The following CPQ variants were observed in gnomAD, a reference collection of about 807,000 sequenced individuals.
CPQ encodes carboxypeptidase Q.
In CPQ, 37 loss-of-function variants were observed where a neutral mutation model predicts 45.7. The observed-to-expected ratio is 0.81, with a 90% CI of 0.62 to 1.07. The LOEUF (loss-of-function observed/expected upper bound fraction) is 1.07. CPQ is among the 50% of genes least tolerant of loss of function. The probability of loss-of-function intolerance (pLI) is 0.00; values close to 1 mark genes in which losing one functional copy is unlikely to be tolerated. For synonymous variants in CPQ, 186 were observed against 205.8 expected (o/e 0.90, Z 0.82); for missense variants, 537 against 572.9 (o/e 0.94, Z 0.64).
intron 7 of CPQ, among the ~76,000 whole-genome samples, chr8:97,083,675 A>T (rs1160195125): frequency 6.6e-6 from 1 of 152,198 alleles, no homozygotes; most frequent in East Asian, 1.9e-4. Context: ...TATAGGTGAT[A>T]AGAGTCGGTG....
intron 5 of CPQ, among the ~76,000 whole-genome samples, chr8:97,026,211 A>C (rs928760771): frequency 6.6e-6 from 1 of 152,234 alleles, no homozygotes; most frequent in Non-Finnish European, 1.5e-5. Flanking sequence ...TGGAGAGAGA[A>C]GCTAATAAAC....
intron 7 of CPQ, among the ~76,000 whole-genome samples, chr8:97,116,195 T>C (rs937948801): frequency 6.6e-6 from 1 of 152,210 alleles, no homozygotes; most frequent in Non-Finnish European, 1.5e-5. Context: ...TCTCAAGAAT[T>C]ACAGGTTATT....
At chr8:96,999,181 C>T (rs1809226101) in intron 5 of CPQ, among the ~76,000 whole-genome samples, 1 of 151,366 alleles carries the variant, frequency 6.6e-6, no homozygotes, top group Non-Finnish European at 1.5e-5. Flanking sequence ...TAGATTTTAA[C>T]AAAGTCAAAT....
chr8:97,000,029 A>C (rs1315524594), intron 5 of CPQ, among the ~76,000 whole-genome samples: 1 of 149,588 alleles, frequency 6.7e-6, no homozygotes, highest in African/African-American at 2.5e-5. Flanking sequence ...TGTTGGCTTC[A>C]TGTATGTCTT....
chr8:96,811,848 T>C (rs1056735019), intron 2 of CPQ, among the ~76,000 whole-genome samples: 1 of 152,200 alleles, frequency 6.6e-6, no homozygotes, highest in Non-Finnish European at 1.5e-5. Context: ...CCAATACTTA[T>C]GCTTATTTAT....
chr8:96,692,051 A>C (rs1308677427), intron 1 of CPQ, among the ~76,000 whole-genome samples: 5 of 152,222 alleles, frequency 3.3e-5, no homozygotes, highest in African/African-American at 1.2e-4. Flanking sequence ...GAAAACAGTA[A>C]GGTCTCTCTG....
chr8:97,128,307 C>T (rs1279590090), intron 7 of CPQ, among the ~76,000 whole-genome samples: 1 of 152,162 alleles, frequency 6.6e-6, no homozygotes, highest in African/African-American at 2.4e-5. Flanking sequence ...TCATGTTTTG[C>T]TCCTGGTGTG....
At chr8:96,750,061 A>T (rs1315129845) in intron 1 of CPQ, among the ~76,000 whole-genome samples, 3 of 151,978 alleles carry the variant, frequency 2.0e-5, no homozygotes, top group Non-Finnish European at 4.4e-5. Context: ...ATGTATTATC[A>T]GATTTAAGAA....
intron 7 of CPQ, among the ~76,000 whole-genome samples, chr8:97,113,534 G>A (rs1399757462): frequency 6.6e-6 from 1 of 152,214 alleles, no homozygotes; most frequent in Non-Finnish European, 1.5e-5. Flanking sequence ...TCCTCAGTTT[G>A]CAAAACAGAG....
chr8:96,977,453 C>T (rs543565323), intron 5 of CPQ, among the ~76,000 whole-genome samples: 1 of 151,566 alleles, frequency 6.6e-6, no homozygotes, highest in East Asian at 1.9e-4. Context: ...GAACTGAAAG[C>T]AGATCTACAT....
chr8:96,718,198 T>C (rs1172464648), intron 1 of CPQ, among the ~76,000 whole-genome samples: 2 of 152,142 alleles, frequency 1.3e-5, no homozygotes, highest in African/African-American at 4.8e-5. Context: ...GAGATTATAT[T>C]GTGAATCTTA....
At chr8:96,977,160 T>A (rs1293865263) in intron 5 of CPQ, among the ~76,000 whole-genome samples, 1 of 151,276 alleles carries the variant, frequency 6.6e-6, no homozygotes, top group Non-Finnish European at 1.5e-5. Flanking sequence ...TAACAAATAA[T>A]CCCATCAAAA....
intron 4 of CPQ, among the ~76,000 whole-genome samples, chr8:96,919,190 G>A (rs1812774682): frequency 6.6e-6 from 1 of 152,008 alleles, no homozygotes; most frequent in Non-Finnish European, 1.5e-5. Context: ...GGTGTGCCAA[G>A]TTAAACCTGA....
At chr8:96,679,221 T>C (rs1415891069) in intron 1 of CPQ, among the ~76,000 whole-genome samples, 1 of 152,078 alleles carries the variant, frequency 6.6e-6, no homozygotes, top group Non-Finnish European at 1.5e-5. Context: ...TGATGTATCA[T>C]ATTTATTGTT....
intron 4 of CPQ, among the ~76,000 whole-genome samples, chr8:96,951,321 G>A (rs909828693): frequency 2.2e-4 from 33 of 152,038 alleles, no homozygotes; most frequent in African/African-American, 7.2e-4. Flanking sequence ...CTAAGGTCCC[G>A]TTCTGGATAT....
chr8:96,809,379 C>G (rs1811129340), intron 2 of CPQ, among the ~76,000 whole-genome samples: 1 of 152,108 alleles, frequency 6.6e-6, no homozygotes, highest in East Asian at 1.9e-4. Context: ...TGCTGTGATG[C>G]CTCCATACAA....
chr8:96,967,114 C>G (rs1408432248), intron 5 of CPQ, among the ~76,000 whole-genome samples: 1 of 152,172 alleles, frequency 6.6e-6, no homozygotes, highest in Admixed American at 6.5e-5. Context: ...AAAATATTCC[C>G]TTGGCTATCT....
chr8:96,969,431 A>G lies in CPQ; in HGVS notation c.961+3385A>G, dbSNP rs1813624173. Among the ~76,000 whole-genome samples the G allele has an allele frequency of 2.6e-5, 4 of 152,236 alleles. No individual in the cohort carries two copies. In the South Asian group the frequency reaches 8.3e-4, roughly 31 times the overall value. On this transcript the variant is annotated intron_variant, in intron 5 of 7. Transcript: ENST00000220763. The stretch of plus-strand genomic sequence containing the variant: ...AGAGACATTTAATTCAAAAATTGCA[A>G]TGAAATTGTGGTAAGTTCTCTGAAT...
At chr8:97,058,772 T>C (rs894083927) in intron 6 of CPQ, among the ~76,000 whole-genome samples, 3 of 152,176 alleles carry the variant, frequency 2.0e-5, no homozygotes, top group Non-Finnish European at 4.4e-5. Flanking sequence ...GGAATCAAAA[T>C]TTAATTGTGA....
Sources: allele counts gnomAD v4.1 joint callset (sites outside exome capture counted in the v4.1 genomes callset), GRCh38; gene constraint gnomAD v4.1.1; transcripts MANE v1.5; gene names NCBI Gene and HGNC (gene_info 2026-07-23, HGNC 2026-07-21).